The following SRCAP variants were observed in gnomAD, a reference collection of about 807,000 sequenced individuals.
SRCAP encodes the protein chromatin remodeling protein SRCAP.
A neutral mutation model predicts 263.1 loss-of-function variants in SRCAP; 46 were observed. The observed-to-expected ratio is 0.17, with a 90% confidence interval of 0.14 to 0.22. The LOEUF (loss-of-function observed/expected upper bound fraction) is 0.22. Among genes scored for constraint, SRCAP ranks in the 10% least tolerant of loss-of-function variants. The probability of loss-of-function intolerance (pLI) is 1.00; values close to 1 mark genes in which losing one functional copy is unlikely to be tolerated. For synonymous variants in SRCAP, 1,813 were observed against 1,662.1 expected (o/e 1.09, Z -2.21); for missense variants, 3,695 against 4,181.9 (o/e 0.88, Z 3.21).
chr16:30,721,196 A>G lies in SRCAP; in HGVS notation c.3261A>G (p.Pro1087=), dbSNP rs781513781. The change falls in exon 21 of 34, where the codon CCA becomes CCG. Residue 1087 remains proline, a synonymous_variant. Coordinates refer to ENST00000262518, the MANE Select transcript of SRCAP (RefSeq NM_006662.3). Reference sequence around the variant, plus strand: ...TTTGCTTTGTGTCTGCAGTGTTGCCATCCCCCCTGGGGGTCCTGAGTGGGA... The same window carrying G: ...TTTGCTTTGTGTCTGCAGTGTTGCCGTCCCCCCTGGGGGTCCTGAGTGGGA... The part of the protein sequence containing the change: ...PNSGSLPQVL[P]SPLGVLSGTS... 1 of 1,606,034 alleles carries G rather than the reference A, an allele frequency of 6.2e-7. No homozygotes were observed. Among genetic ancestry groups the G allele is most frequent in the Non-Finnish European group, 8.5e-7 (1 of 1,175,520 alleles).
Position 30,737,142 on chromosome 16 carries a change from G to C in SRCAP, c.7102G>C (p.Asp2368His), listed in dbSNP as rs765156790. ...GGAGGAGGAGGGGCCGGGGGCTGGG[G>C]ATGAGAGTTCCTGTGGGACTGGTGG... is the stretch of plus-strand genomic sequence containing the variant. ...QEEEEGPGAG[D>H]ESSCGTGGGT... The change falls in exon 34 of 34, where the codon GAT (aspartate) becomes CAT (histidine). Residue 2368 changes from aspartate to histidine, a missense_variant. By Grantham distance (81) the Asp-to-His change is moderately conservative (BLOSUM62 -1). Around this residue, in one of 12 missense-constraint regions of SRCAP, gnomAD observed 1,207 missense variants for 1,142.9 expected, o/e 1.06. Transcript: ENST00000262518. The C allele has an allele frequency of 2.5e-6, 4 of 1,614,070 alleles. No individual in the cohort carries two copies. Among genetic ancestry groups the C allele is most frequent in the Non-Finnish European group, 3.4e-6 (4 of 1,179,970 alleles).
Position 30,723,201 on chromosome 16 carries a change from G to T in SRCAP, c.4131G>T (p.Leu1377=). 1 of 1,613,132 alleles carries T rather than the reference G, an allele frequency of 6.2e-7. No homozygotes were observed. Among genetic ancestry groups the T allele is most frequent in the African/African-American group, 1.3e-5 (1 of 75,026 alleles). Residue 1377 remains leucine, a synonymous_variant, in exon 24 of 34, where the codon CTG becomes CTT. Transcript: ENST00000262518. ...CTCTGGTGAGGCCTCTTCTCAAGCT[G>T]GTCCACAGTCCTTCACCTGAAGTCA... ...TPTLVRPLLK[L]VHSPSPEVSA...
chr16:30,711,139 G>A (rs1430361052), intron 10 of SRCAP, 51 bp downstream of exon 10: 2 of 1,415,004 alleles, frequency 1.4e-6, no homozygotes, highest in East Asian at 2.4e-5. Context: ...TCTGCGGTGT[G>A]CAGTACCAAG....
At chr16:30,729,340 T>G in intron 26 of SRCAP, 30 bp from the exon 27 acceptor site, 1 of 1,613,312 alleles carries the variant, frequency 6.2e-7, no homozygotes, top group Non-Finnish European at 8.5e-7. Flanking sequence ...GAGTCCCATC[T>G]TTTACACTGC....
rs1020089709 is a variant in SRCAP, at chr16:30,711,816, C to T, written c.1493-19C>T. The T allele has an allele frequency of 1.2e-6, 2 of 1,612,738 alleles. No individual in the cohort carries two copies. Among genetic ancestry groups the T allele is most frequent in the Admixed American group, 1.7e-5 (1 of 59,976 alleles). The stretch of plus-strand genomic sequence containing the variant: ...AAGAGCAGGTATGATGAGCAGTAAG[C>T]CTTGGTCTTACCCTTTAGACTCTGT... On this transcript the variant is annotated intron_variant, in intron 11 of 33. Transcript: ENST00000262518.
chr16:30,719,043 A>G (rs932035237), intron 18 of SRCAP, among the ~76,000 whole-genome samples: 4 of 151,254 alleles, frequency 2.6e-5, no homozygotes, highest in Non-Finnish European at 5.9e-5. Flanking sequence ...AGCTGGGACT[A>G]CAGGTGTGCA....
chr16:30,707,433 A>C (rs1209187189), intron 5 of SRCAP, 65 bp downstream of exon 5: 3 of 1,602,796 alleles, frequency 1.9e-6, no homozygotes, highest in African/African-American at 2.7e-5. Flanking sequence ...GGTTTGTTGG[A>C]AGGGGACCAG....
In SRCAP at chr16:30,734,652, A is replaced by C; in HGVS notation, c.6729+37A>C. ...GTGGGCAGTTCGTAAAGTTGAGCTG[A>C]TTCTTACAGAATATCTTGTCTTTTG... On this transcript the variant is annotated intron_variant, in intron 31 of 33. Coordinates refer to ENST00000262518, the MANE Select transcript of SRCAP (RefSeq NM_006662.3). 4 of 1,613,314 alleles carry C rather than the reference A, an allele frequency of 2.5e-6. No homozygotes were observed. The South Asian group carries it at 4.4e-5, about 18-fold the overall frequency.
chr16:30,714,981 C>A (rs929839774), intron 16 of SRCAP, among the ~76,000 whole-genome samples: 2 of 152,134 alleles, frequency 1.3e-5, no homozygotes, highest in African/African-American at 4.8e-5. Flanking sequence ...ATCACAACAT[C>A]TTTCAGCATT....
At chr16:30,705,831 C>G (rs557980196) in intron 4 of SRCAP, among the ~76,000 whole-genome samples, 1 of 151,922 alleles carries the variant, frequency 6.6e-6, no homozygotes, top group African/African-American at 2.4e-5. Context: ...CTCAGCCTCC[C>G]GAGTAGCTGG....
At chr16:30,711,130 C>T (rs1276640824) in intron 10 of SRCAP, 42 bp downstream of exon 10, 1 of 1,479,410 alleles carries the variant, frequency 6.8e-7, no homozygotes, top group Non-Finnish European at 9.4e-7. Flanking sequence ...CACTTGGTGT[C>T]TGCGGTGTGC....
intron 18 of SRCAP, among the ~76,000 whole-genome samples, chr16:30,717,610 C>CTTT (rs34512915): frequency 0.02 from 1,862 of 90,978 alleles, 109 homozygotes; most frequent in East Asian, 0.042. Context: ...CCAAGCCTGG[C>CTTT]TTTTTTTTTT....
Position 30,700,625 on chromosome 16 carries a change from A to T in SRCAP, c.-200A>T. On this transcript the variant is annotated 5_prime_UTR_variant, in exon 3 of 34. Coordinates refer to ENST00000262518, the MANE Select transcript of SRCAP (RefSeq NM_006662.3). ...TTTAACCCTACTTTAGGTGCTCCAG[A>T]GGCTGGTGGACCTGAGCGGAGGCTG... is the stretch of plus-strand genomic sequence containing the variant. 1 of 416,642 alleles carries T rather than the reference A, an allele frequency of 2.4e-6. No homozygotes were observed. The highest frequency in any genetic ancestry group is 3.5e-5 in the East Asian group (1 of 28,288). 25.8% of individuals were successfully genotyped at this position (416,642 alleles called of 1,614,324 possible).
Position 30,723,895 on chromosome 16 carries a change from C to T in SRCAP, c.4471C>T (p.Pro1491Ser), listed in dbSNP as rs780593546. Residue 1491 changes from proline to serine, a missense_variant, in exon 25 of 34, where the codon CCC (proline) becomes TCC (serine). This residue lies in a region of SRCAP where 1,347 missense variants were observed against 1,304.4 expected (regional missense o/e 1.03). Transcript: ENST00000262518. ...APVVPAAPGP[P>S]SLAPSGASPS... The stretch of plus-strand genomic sequence containing the variant: ...TGTTGTCCCAGCGGCTCCTGGACCT[C>T]CCTCCTTGGCACCATCTGGTGCTTC... The T allele has an allele frequency of 1.9e-6, 3 of 1,614,110 alleles. No homozygotes were observed. The highest frequency in any genetic ancestry group is 1.7e-5 in the Admixed American group (1 of 60,012).
At chr16:30,729,975 C>G (rs1442482411) in intron 27 of SRCAP, among the ~76,000 whole-genome samples, 2 of 152,120 alleles carry the variant, frequency 1.3e-5, no homozygotes, top group Admixed American at 6.5e-5. Context: ...GCCATGTTGG[C>G]CAGGTTGGTC....
chr16:30,706,931 C>G (rs1205052059), intron 4 of SRCAP, among the ~76,000 whole-genome samples: 2 of 152,086 alleles, frequency 1.3e-5, no homozygotes, highest in Non-Finnish European at 2.9e-5. Flanking sequence ...ATTTTTGATT[C>G]ACATTTTCTA....
intron 4 of SRCAP, among the ~76,000 whole-genome samples, chr16:30,704,793 G>A (rs1020216119): frequency 6.6e-6 from 1 of 152,120 alleles, no homozygotes; most frequent in African/African-American, 2.4e-5. Flanking sequence ...AGTGAGCCAC[G>A]ATTATGCCAC....
At chr16:30,726,828 G>C (rs1300202187) in intron 25 of SRCAP, among the ~76,000 whole-genome samples, 3 of 152,186 alleles carry the variant, frequency 2.0e-5, no homozygotes, top group African/African-American at 7.2e-5. Flanking sequence ...ATCTTCCCGA[G>C]TGGCTGGGAC....
intron 25 of SRCAP, among the ~76,000 whole-genome samples, chr16:30,728,000 A>G (rs2053079029): frequency 6.6e-6 from 1 of 152,134 alleles, no homozygotes; most frequent in Non-Finnish European, 1.5e-5. Context: ...TCTTTTTGCT[A>G]CTATTGGGAG....
Sources: gnomAD v4.1 joint callset for allele counts (sites outside exome capture counted in the v4.1 genomes callset) on GRCh38, gnomAD v4.1.1 for gene constraint, gnomAD v4.1.1 regional missense constraint, MANE v1.5 for transcripts, NCBI Gene and HGNC (gene_info 2026-07-23, HGNC 2026-07-21) for gene names.